The following ROBO2 variants were observed in gnomAD, a reference collection of about 807,000 sequenced individuals.
The protein encoded by ROBO2 is roundabout homolog 2.
A neutral mutation model predicts 160.8 loss-of-function variants in ROBO2; 53 were observed. That is an observed-to-expected ratio of 0.33 (90% confidence interval 0.26 to 0.41). ROBO2 has a LOEUF of 0.41. ROBO2 is among the 10% of genes least tolerant of loss of function. The probability of loss-of-function intolerance (pLI) is 1.00; values close to 1 mark genes in which losing one functional copy is unlikely to be tolerated. For synonymous variants in ROBO2, 664 were observed against 611.7 expected (o/e 1.09, Z -1.26); for missense variants, 1,577 against 1,722.4 (o/e 0.92, Z 1.49).
chr3:77,435,669 C>A (rs969100097), intron 2 of ROBO2, among the ~76,000 whole-genome samples: 1 of 151,688 alleles, frequency 6.6e-6, no homozygotes, highest in African/African-American at 2.4e-5. Context: ...AGTCTCAATA[C>A]CAAAGGAATG....
chr3:76,658,458 G>C (rs2091673962), intron 2 of ROBO2, among the ~76,000 whole-genome samples: 1 of 152,072 alleles, frequency 6.6e-6, no homozygotes, highest in African/African-American at 2.4e-5. Flanking sequence ...TCTACATTAG[G>C]TGTTTCTCCT....
At chr3:76,641,981 A>T (rs141112840) in intron 2 of ROBO2, among the ~76,000 whole-genome samples, 156 of 152,172 alleles carry the variant, frequency 1.0e-3, no homozygotes, top group African/African-American at 3.7e-3. Flanking sequence ...CAGCCTCCCA[A>T]AGTGTTGGGA....
At chr3:77,098,863 C>A (rs1350477377) in intron 2 of ROBO2, among the ~76,000 whole-genome samples, 1 of 134,558 alleles carries the variant, frequency 7.4e-6, no homozygotes, top group Non-Finnish European at 1.6e-5. Flanking sequence ...CTCAAAAAAA[C>A]AAACAAACAA....
At chr3:76,781,972 A>G (rs563765912) in intron 2 of ROBO2, among the ~76,000 whole-genome samples, 3 of 150,782 alleles carry the variant, frequency 2.0e-5, no homozygotes, top group Admixed American at 1.3e-4. Context: ...GCATTCATCC[A>G]TGAAGCCATC....
At chr3:76,828,417 T>G (rs113461561) in intron 2 of ROBO2, among the ~76,000 whole-genome samples, 103 of 152,236 alleles carry the variant, frequency 6.8e-4, no homozygotes, top group African/African-American at 2.4e-3. Flanking sequence ...AACAAACATA[T>G]GTATTATATA....
intron 2 of ROBO2, among the ~76,000 whole-genome samples, chr3:76,409,580 A>G (rs1186475442): frequency 6.6e-6 from 1 of 152,102 alleles, no homozygotes; most frequent in African/African-American, 2.4e-5. Flanking sequence ...TAAAGCCTAC[A>G]TAAGAGCAGT....
At chr3:76,085,905 T>G (rs971171946) in intron 2 of ROBO2, among the ~76,000 whole-genome samples, 1 of 152,142 alleles carries the variant, frequency 6.6e-6, no homozygotes, top group African/African-American at 2.4e-5. Flanking sequence ...TAAAAATCTC[T>G]CAAGCTTCTG....
chr3:76,366,612 T>A (rs755782464), intron 2 of ROBO2, among the ~76,000 whole-genome samples: 2 of 152,018 alleles, frequency 1.3e-5, no homozygotes, highest in African/African-American at 4.8e-5. Context: ...TACATAAGAT[T>A]AAATTTTAAA....
chr3:76,384,947 A>G lies in ROBO2; in HGVS notation c.109+447345A>G, dbSNP rs79471500. 1.9e-4 allele frequency among the ~76,000 whole-genome samples: 29 copies of G among 152,228 alleles called. 2 individuals carry two copies. The East Asian group carries it at 5.4e-3, about 28-fold the overall frequency. On this transcript the variant is annotated intron_variant, in intron 2 of 26. Coordinates refer to the ROBO2 transcript ENST00000487694. ...TCTCTTTGCAGCAAGGCCAGAGACC[A>G]TATTTCAGTTCTATATTATTTTGTC...
intron 2 of ROBO2, among the ~76,000 whole-genome samples, chr3:77,476,110 G>C (rs940433698): frequency 1.3e-5 from 2 of 152,158 alleles, no homozygotes; most frequent in African/African-American, 2.4e-5. Flanking sequence ...TACGAGAAAA[G>C]AAAAACCCTG....
intron 2 of ROBO2, among the ~76,000 whole-genome samples, chr3:76,796,181 G>C (rs947886307): frequency 1.3e-5 from 2 of 152,028 alleles, no homozygotes; most frequent in Non-Finnish European, 2.9e-5. Flanking sequence ...GCTAACAAGA[G>C]AGTCAACCTG....
Position 77,293,840 on chromosome 3 carries a change from C to T in ROBO2, c.389-183574C>T, listed in dbSNP as rs180856968. Among the ~76,000 whole-genome samples, 59 of 136,936 alleles carry T rather than the reference C, an allele frequency of 4.3e-4. 1 individual carries two copies. Among genetic ancestry groups the T allele is most frequent in the South Asian group, 1.1e-3 (5 of 4,364 alleles). 89.8% of individuals were successfully genotyped at this position (136,936 alleles called of 152,430 possible). A position where few individuals can be genotyped will look rare whatever the true frequency, so the allele number is the denominator to read the frequency against. On this transcript the variant is annotated intron_variant, in intron 2 of 25. Coordinates refer to ENST00000461745, the Ensembl canonical transcript of ROBO2. ...ACATAAAGTAGAATTGATGGTTAAACGGGTAGGCTGAGGCTAGATCACCCC... is the reference window on the plus strand; with the variant it reads ...ACATAAAGTAGAATTGATGGTTAAATGGGTAGGCTGAGGCTAGATCACCCC...
chr3:76,050,518 A>G (rs2067618917), intron 2 of ROBO2, among the ~76,000 whole-genome samples: 1 of 152,154 alleles, frequency 6.6e-6, no homozygotes, highest in Admixed American at 6.5e-5. Flanking sequence ...TTTCATGTAT[A>G]CATCTATCCT....
At chr3:76,670,215 T>C (rs2092212133) in intron 2 of ROBO2, among the ~76,000 whole-genome samples, 1 of 152,136 alleles carries the variant, frequency 6.6e-6, no homozygotes, top group Non-Finnish European at 1.5e-5. Flanking sequence ...TTTTAATTAA[T>C]CTTTTCCTTT....
chr3:76,403,454 A>G (rs2108775647), intron 2 of ROBO2, among the ~76,000 whole-genome samples: 1 of 151,762 alleles, frequency 6.6e-6, no homozygotes, highest in East Asian at 1.9e-4. Context: ...CAATAAAGAC[A>G]GGTTGTTAGA....
At position 76,707,975 on chromosome 3, in the gene ROBO2, G is replaced by T. The variant is rs148720206; in HGVS notation, c.110-390039G>T. Among the ~76,000 whole-genome samples the T allele has an allele frequency of 5.3e-5, 8 of 152,134 alleles. No homozygotes were observed. The East Asian group carries it at 1.6e-3, about 30-fold the overall frequency. Reference sequence around the variant, plus strand: ...ATCATCCCCTCTTGAGAGAAAAAGAGAAGATTTGTCTCTCAAATGTATCAC... The same window carrying T: ...ATCATCCCCTCTTGAGAGAAAAAGATAAGATTTGTCTCTCAAATGTATCAC... On this transcript the variant is annotated intron_variant, in intron 2 of 26. Coordinates refer to the ROBO2 transcript ENST00000487694.
At chr3:76,786,253 G>A (rs2062964882) in intron 2 of ROBO2, among the ~76,000 whole-genome samples, 1 of 151,234 alleles carries the variant, frequency 6.6e-6, no homozygotes, top group African/African-American at 2.4e-5. Context: ...ATACTGAATT[G>A]TCTTATTAAT....
intron 2 of ROBO2, among the ~76,000 whole-genome samples, chr3:76,982,300 A>T (rs1479274515): frequency 6.6e-6 from 1 of 152,188 alleles, no homozygotes; most frequent in Non-Finnish European, 1.5e-5. Flanking sequence ...CTACTTATAC[A>T]GTTGTCTCAG....
At chr3:77,124,015 A>G (rs1344774935) in intron 2 of ROBO2, among the ~76,000 whole-genome samples, 1 of 151,642 alleles carries the variant, frequency 6.6e-6, no homozygotes, top group Non-Finnish European at 1.5e-5. Flanking sequence ...ATATATGTTC[A>G]CAATGGTGTG....
Sources: allele counts gnomAD v4.1 joint callset (sites outside exome capture counted in the v4.1 genomes callset), GRCh38; gene constraint gnomAD v4.1.1; transcripts MANE v1.5; gene names NCBI Gene and HGNC (gene_info 2026-07-23, HGNC 2026-07-21).